Variants in SPECC1L observed in about 807,000 individuals in gnomAD.
SPECC1L encodes sperm antigen with calponin homology and coiled-coil domains 1 like.
A neutral mutation model predicts 116.8 loss-of-function variants in SPECC1L; 40 were observed. The observed-to-expected ratio is 0.34, with a 90% CI of 0.27 to 0.45. The LOEUF (loss-of-function observed/expected upper bound fraction) is 0.45. Among genes scored for constraint, SPECC1L ranks in the 20% least tolerant of loss-of-function variants. The pLI is 1.00. For synonymous variants in SPECC1L, 504 were observed against 500.6 expected (o/e 1.01, Z -0.09); for missense variants, 1,110 against 1,373.6 (o/e 0.81, Z 3.03).
chr22:24,279,155 A>T (rs1213391661), intron 2 of SPECC1L, among the ~76,000 whole-genome samples: 1 of 152,186 alleles, frequency 6.6e-6, no homozygotes, highest in Non-Finnish European at 1.5e-5. Context: ...CCTATTAATT[A>T]TTGAGATTGT....
At chr22:24,289,763 C>T (rs1372241321) in intron 2 of SPECC1L, among the ~76,000 whole-genome samples, 1 of 149,572 alleles carries the variant, frequency 6.7e-6, no homozygotes, top group Non-Finnish European at 1.5e-5. Flanking sequence ...TGTAGTTGTG[C>T]TTGCTTTCCT....
chr22:24,302,953 A>G (rs142425117), intron 3 of SPECC1L, among the ~76,000 whole-genome samples: 9 of 152,214 alleles, frequency 5.9e-5, no homozygotes, highest in African/African-American at 2.2e-4. Context: ...GATGATGATT[A>G]TACCATTTTT....
intron 14 of SPECC1L, among the ~76,000 whole-genome samples, chr22:24,385,805 T>G (rs1031668718): frequency 2.6e-5 from 4 of 152,170 alleles, no homozygotes; most frequent in African/African-American, 4.8e-5. Flanking sequence ...ATTTGGAGAT[T>G]TTAACACGCT....
At chr22:24,274,842 C>T (rs1403982416) in intron 1 of SPECC1L, among the ~76,000 whole-genome samples, 4 of 152,044 alleles carry the variant, frequency 2.6e-5, no homozygotes, top group Admixed American at 2.0e-4. Context: ...TGTTCTCCTT[C>T]CCCTACCTCT....
intron 2 of SPECC1L, among the ~76,000 whole-genome samples, chr22:24,282,919 A>T (rs1187919291): frequency 2.0e-5 from 3 of 151,642 alleles, no homozygotes; most frequent in African/African-American, 7.3e-5. Flanking sequence ...CTGTGATTAC[A>T]GGTGTGCACC....
In SPECC1L at chr22:24,321,749, C is replaced by G; in HGVS notation, c.769C>G (p.Leu257Val). Residue 257 changes from leucine to valine, a missense_variant, in exon 5 of 17, where the codon CTC becomes GTC. Leu to Val is a conservative substitution (Grantham distance 32, BLOSUM62 1). Coordinates refer to ENST00000314328, the MANE Select transcript of SPECC1L (RefSeq NM_015330.6). ...QEQNTAIREE[L>V]NQLKNENRML... ...ACAGAATACTGCCATCCGTGAAGAA[C>G]TCAACCAGCTGAAAAATGAAAACAG... 2.5e-6 allele frequency: 4 copies of G among 1,614,212 alleles called. No individual in the cohort carries two copies. Among genetic ancestry groups the G allele is most frequent in the Non-Finnish European group, 3.4e-6 (4 of 1,180,052 alleles).
chr22:24,353,347 T>G (rs1274442165), intron 11 of SPECC1L, among the ~76,000 whole-genome samples: 1 of 152,212 alleles, frequency 6.6e-6, no homozygotes, highest in Non-Finnish European at 1.5e-5. Flanking sequence ...TGAAGAATAC[T>G]TGTCAGTTAT....
At chr22:24,404,507 G>A (rs12158867) in intron 14 of SPECC1L, among the ~76,000 whole-genome samples, 192 of 152,230 alleles carry the variant, frequency 1.3e-3, no homozygotes, top group African/African-American at 4.1e-3. Flanking sequence ...AGGCCCATCC[G>A]GAGCACTGCA....
intron 9 of SPECC1L, 123 bp from the exon 10 acceptor site, chr22:24,338,263 A>G: frequency 1.1e-6 from 1 of 926,970 alleles, no homozygotes; most frequent in Non-Finnish European, 1.8e-6. Flanking sequence ...GCTAGACATC[A>G]GCCAAGACAG....
At position 24,321,369 on chromosome 22, in the gene SPECC1L, C is replaced by A; in HGVS notation, c.389C>A (p.Thr130Asn). The part of the protein sequence containing the change: ...SSTRERLRER[T>N]RLNQSKKLPS... ...ACTAGAGAAAGATTACGTGAACGTA[C>A]CCGATTAAACCAGAGCAAAAAACTA... Residue 130 changes from threonine (T) to asparagine (N), a missense_variant, in exon 5 of 17, where the codon ACC becomes AAC. Transcript: ENST00000314328. 6.2e-7 allele frequency: 1 copy of A among 1,614,230 alleles called. No homozygotes were observed. Among genetic ancestry groups the A allele is most frequent in the Non-Finnish European group, 8.5e-7 (1 of 1,180,038 alleles).
At chr22:24,395,619 A>G (rs946732349) in intron 14 of SPECC1L, among the ~76,000 whole-genome samples, 1 of 152,204 alleles carries the variant, frequency 6.6e-6, no homozygotes, top group African/African-American at 2.4e-5. Flanking sequence ...TTTTATCTCA[A>G]TACTCTTCAG....
chr22:24,396,048 G>A (rs1029939109), intron 14 of SPECC1L, among the ~76,000 whole-genome samples: 1 of 152,228 alleles, frequency 6.6e-6, no homozygotes, highest in African/African-American at 2.4e-5. Flanking sequence ...TTGGCCTTGG[G>A]TGTCAAGTGA....
chr22:24,317,592 C>T (rs1246558251), intron 4 of SPECC1L, among the ~76,000 whole-genome samples: 4 of 144,682 alleles, frequency 2.8e-5, no homozygotes, highest in African/African-American at 5.2e-5. Context: ...CCGGACGGGG[C>T]GGCTGGCCGG....
chr22:24,318,231 A>T (rs1198492238), intron 4 of SPECC1L, among the ~76,000 whole-genome samples: 3 of 152,238 alleles, frequency 2.0e-5, no homozygotes, highest in Non-Finnish European at 4.4e-5. Flanking sequence ...CCTGGGCACC[A>T]TTGAGCAATG....
At chr22:24,327,277 CAAAAA>C (rs58725731) in intron 6 of SPECC1L, among the ~76,000 whole-genome samples, 163 of 41,964 alleles carry the variant, frequency 3.9e-3, no homozygotes, top group African/African-American at 0.012. Flanking sequence ...GACTCCGTCT[CAAAAA>C]AAAAAAAAAA....
At chr22:24,311,907 T>C (rs2040468871) in intron 3 of SPECC1L, among the ~76,000 whole-genome samples, 1 of 151,760 alleles carries the variant, frequency 6.6e-6, no homozygotes, top group Non-Finnish European at 1.5e-5. Context: ...GTAACAGCCC[T>C]TAATTACTAG....
chr22:24,374,731 A>G (rs1279694199), intron 14 of SPECC1L, among the ~76,000 whole-genome samples: 3 of 152,024 alleles, frequency 2.0e-5, no homozygotes, highest in Non-Finnish European at 4.4e-5. Flanking sequence ...ATATGTAACT[A>G]ACCTGCACCT....
At chr22:24,336,806 TAATC>T (rs1369457922) in intron 9 of SPECC1L, among the ~76,000 whole-genome samples, 10 of 152,292 alleles carry the variant, frequency 6.6e-5, no homozygotes, top group African/African-American at 2.4e-4. Flanking sequence ...TGAAAATAGA[TAATC>T]AGACAAATAC....
chr22:24,360,551 T>C (rs553055788), intron 11 of SPECC1L, among the ~76,000 whole-genome samples: 136 of 152,208 alleles, frequency 8.9e-4, no homozygotes, highest in African/African-American at 3.2e-3. Flanking sequence ...ATACATTTCA[T>C]GAACTTTTTT....
Sources: gnomAD v4.1 joint callset for allele counts (sites outside exome capture counted in the v4.1 genomes callset) on GRCh38, gnomAD v4.1.1 for gene constraint, MANE v1.5 for transcripts, NCBI Gene and HGNC (gene_info 2026-07-23, HGNC 2026-07-21) for gene names.